Variants in ANKRD17 observed in about 807,000 individuals in gnomAD.
The protein encoded by ANKRD17 is ankyrin repeat domain 17.
Under a neutral mutation model 229.7 loss-of-function variants are expected in ANKRD17, and 19 were observed. The observed-to-expected ratio is 0.08, with a 90% CI of 0.06 to 0.12. The LOEUF (loss-of-function observed/expected upper bound fraction) is 0.12. ANKRD17 is among the 10% of genes least tolerant of loss of function. ANKRD17 has a pLI of 1.00. For synonymous variants in ANKRD17, 1,112 were observed against 1,146.1 expected, an observed-to-expected ratio of 0.97 and a Z score of 0.60; for missense variants, 2,176 against 3,176.8, an observed-to-expected ratio of 0.68 and a Z score of 7.57.
chr4:73,167,161 T>G lies in ANKRD17; in HGVS notation c.548-5813A>C, dbSNP rs1356794613. On this transcript the variant is annotated intron_variant, in intron 2 of 33. Transcript: ENST00000358602. ...TAGGCAGATATGAAAAAAGACTGCC[T>G]GTACACTGAAGGCTGCTGAAGCTGG... is the stretch of plus-strand genomic sequence containing the variant. 2.0e-5 allele frequency among the ~76,000 whole-genome samples: 3 copies of G among 152,298 alleles called. No individual in the cohort carries two copies. The East Asian group carries it at 5.8e-4, about 29-fold the overall frequency.
intron 2 of ANKRD17, among the ~76,000 whole-genome samples, chr4:73,172,403 A>G (rs182950204): frequency 2.6e-5 from 4 of 152,336 alleles, no homozygotes; most frequent in Admixed American, 2.6e-4. Context: ...CTTCTGTCCT[A>G]CAAGAAACAC....
At chr4:73,170,832 G>C (rs912947585) in intron 2 of ANKRD17, among the ~76,000 whole-genome samples, 1 of 152,162 alleles carries the variant, frequency 6.6e-6, no homozygotes, top group African/African-American at 2.4e-5. Flanking sequence ...ATCGTGGTTT[G>C]AGTGCCAGCA....
intron 23 of ANKRD17, among the ~76,000 whole-genome samples, chr4:73,114,308 A>G (rs1725670647): frequency 6.6e-6 from 1 of 152,222 alleles, no homozygotes; most frequent in African/African-American, 2.4e-5. Flanking sequence ...TCAAATATTT[A>G]AGCTTTGTTG....
intron 16 of ANKRD17, among the ~76,000 whole-genome samples, chr4:73,125,864 TGAAA>T (rs1466476614): frequency 1.3e-5 from 2 of 152,144 alleles, no homozygotes; most frequent in African/African-American, 4.8e-5. Flanking sequence ...ATCACGTGAT[TGAAA>T]GAAATACTGT....
chr4:73,151,589 A>G (rs981990011), intron 6 of ANKRD17, 65 bp from the exon 7 acceptor site: 2 of 1,232,396 alleles, frequency 1.6e-6, no homozygotes, highest in African/African-American at 1.5e-5. Flanking sequence ...TTTTAAAATT[A>G]TAATATTTTG....
intron 2 of ANKRD17, among the ~76,000 whole-genome samples, chr4:73,165,479 C>A (rs953047648): frequency 7.9e-5 from 12 of 152,310 alleles, no homozygotes; most frequent in African/African-American, 2.9e-4. Context: ...TCAGCTCCCA[C>A]TGTCAGAATT....
chr4:73,113,030 T>G, intron 24 of ANKRD17: 1 of 1,021,602 alleles, frequency 9.8e-7, no homozygotes, highest in Admixed American at 4.4e-5. Flanking sequence ...TCAGGTGATG[T>G]GCCCGCCTCG....
At chr4:73,101,783 A>G (rs1213775867) in intron 25 of ANKRD17, among the ~76,000 whole-genome samples, 1 of 152,162 alleles carries the variant, frequency 6.6e-6, no homozygotes, top group Non-Finnish European at 1.5e-5. Flanking sequence ...AAATAAAGCA[A>G]ATATGGTAAA....
At chr4:73,222,704 T>C (rs933469858) in intron 1 of ANKRD17, among the ~76,000 whole-genome samples, 6 of 152,106 alleles carry the variant, frequency 3.9e-5, no homozygotes, top group African/African-American at 1.4e-4. Flanking sequence ...AGGCTTTTTA[T>C]TAAGCCTGAG....
chr4:73,199,084 T>C (rs1738283115), intron 1 of ANKRD17, among the ~76,000 whole-genome samples: 1 of 152,140 alleles, frequency 6.6e-6, no homozygotes, highest in African/African-American at 2.4e-5. Context: ...GGGCTCAAAT[T>C]ATACCTCAAG....
intron 30 of ANKRD17, among the ~76,000 whole-genome samples, chr4:73,084,053 A>G (rs1721850735): frequency 6.6e-6 from 1 of 151,994 alleles, no homozygotes; most frequent in Non-Finnish European, 1.5e-5. Flanking sequence ...GAATTCTCTT[A>G]GTTGAGTTGA....
At chr4:73,102,741 T>C in intron 24 of ANKRD17, 194 bp from the exon 25 acceptor site, 1 of 558,250 alleles carries the variant, frequency 1.8e-6, no homozygotes, top group South Asian at 2.6e-5. Context: ...AAGATCAAAT[T>C]AACAATATAA....
At chr4:73,195,044 T>C (rs1193299873) in intron 1 of ANKRD17, among the ~76,000 whole-genome samples, 1 of 152,208 alleles carries the variant, frequency 6.6e-6, no homozygotes, top group Non-Finnish European at 1.5e-5. Flanking sequence ...AACTCTCTTA[T>C]ATTCCTAGTT....
intron 16 of ANKRD17, among the ~76,000 whole-genome samples, chr4:73,128,807 A>G (rs1468284784): frequency 6.6e-6 from 1 of 152,212 alleles, no homozygotes; most frequent in East Asian, 1.9e-4. Context: ...TTCTGCATTA[A>G]GAGAAACTAA....
rs570173869 is a variant in ANKRD17, at chr4:73,118,722, C to T, written c.4154G>A (p.Arg1385His). The T allele has an allele frequency of 1.2e-6, 2 of 1,613,984 alleles. No individual in the cohort carries two copies. The highest frequency in any genetic ancestry group is 2.2e-5 in the East Asian group (1 of 44,860). Residue 1385 changes from arginine (R) to histidine (H), a missense_variant, in exon 22 of 34, where the codon CGC (arginine) becomes CAC (histidine). By Grantham distance (29) the Arg-to-His change is conservative (BLOSUM62 0). Coordinates refer to ENST00000358602, the MANE Select transcript of ANKRD17 (RefSeq NM_032217.5). ...AGADVDAADN[R>H]KITPLMAAFR... is the part of the protein sequence containing the mutation. The stretch of plus-strand genomic sequence containing the variant: ...TGCTGCCATAAGAGGAGTTATCTTG[C>T]GGTTATCTGCTGCATCCACATCTGC...
At chr4:73,126,060 G>A (rs1299566166) in intron 16 of ANKRD17, among the ~76,000 whole-genome samples, 1 of 152,126 alleles carries the variant, frequency 6.6e-6, no homozygotes, top group Non-Finnish European at 1.5e-5. Flanking sequence ...GAGTTTCCAG[G>A]CTATAGTGCA....
At chr4:73,228,153 C>T (rs1329683428) in intron 1 of ANKRD17, among the ~76,000 whole-genome samples, 1 of 151,998 alleles carries the variant, frequency 6.6e-6, no homozygotes, top group Admixed American at 6.6e-5. Flanking sequence ...TATAGTAAAG[C>T]ATAAGTATGA....
intron 32 of ANKRD17, 56 bp downstream of exon 32, chr4:73,077,299 A>G (rs1460553832): frequency 6.6e-7 from 1 of 1,518,022 alleles, no homozygotes; most frequent in Non-Finnish European, 8.9e-7. Context: ...ACTATATTCA[A>G]AACATTTTCT....
At position 73,150,610 on chromosome 4, in the gene ANKRD17, C is replaced by T. The variant is rs574060616; in HGVS notation, c.1329+820G>A. 3.9e-5 allele frequency among the ~76,000 whole-genome samples: 6 copies of T among 152,234 alleles called. No homozygotes were observed. In the South Asian group the frequency reaches 1.0e-3, roughly 26 times the overall value. ...AAGGAAAACAACAGATAACTCAAGTCTTAAATGGCTACCTCATATTTTAAA... is the reference window on the plus strand; with the variant it reads ...AAGGAAAACAACAGATAACTCAAGTTTTAAATGGCTACCTCATATTTTAAA... On this transcript the variant is annotated intron_variant, in intron 7 of 33. Coordinates refer to ENST00000358602, the MANE Select transcript of ANKRD17 (RefSeq NM_032217.5).
Sources: allele counts gnomAD v4.1 joint callset (sites outside exome capture counted in the v4.1 genomes callset), GRCh38; gene constraint gnomAD v4.1.1; transcripts MANE v1.5; gene names NCBI Gene and HGNC (gene_info 2026-07-23, HGNC 2026-07-21).